The following GGT5 variants were observed in gnomAD, a reference collection of about 807,000 sequenced individuals.
The protein encoded by GGT5 is glutathione hydrolase 5 proenzyme.
In GGT5, 50 loss-of-function variants were observed where a neutral mutation model predicts 58.1. The ratio of observed to expected loss-of-function variants is 0.86; its 90% confidence interval spans 0.69 to 1.09. GGT5 has a LOEUF of 1.09. Among genes scored for constraint, GGT5 ranks in the 50% least tolerant of loss-of-function variants. The pLI is 0.00. For missense variants in GGT5, 800 were observed against 789.4 expected (o/e 1.01, Z -0.16); for synonymous variants, 370 against 346.1 (o/e 1.07, Z -0.77).
chr22:24,244,666 C>T lies in GGT5; in HGVS notation c.60G>A (p.Leu20=), dbSNP rs756727813. ...SLVLLGLGLA[L]AVIVLAVVLS... is the part of the protein sequence containing the mutation. ...GGACCACAGCCAGCACAATGACAGC[C>T]AGCGCCAGCCCCAGACCCAGCAGGA... is the stretch of plus-strand genomic sequence containing the variant. The change falls in exon 1 of 12, where the codon CTG becomes CTA. Residue 20 remains leucine (L), a synonymous_variant. Coordinates refer to ENST00000327365, the MANE Select transcript of GGT5 (RefSeq NM_004121.5). The T allele has an allele frequency of 2.5e-6, 4 of 1,612,856 alleles. No individual in the cohort carries two copies. The highest frequency in any genetic ancestry group is 1.9e-4 in the Middle Eastern group (1 of 5,392).
chr22:24,221,996 T>C (rs2047603548), intron 11 of GGT5, among the ~76,000 whole-genome samples: 1 of 151,784 alleles, frequency 6.6e-6, no homozygotes, highest in South Asian at 2.1e-4. Flanking sequence ...CTGGCCAACA[T>C]GGAGAAACGC....
chr22:24,232,699 G>A lies in GGT5; in HGVS notation c.596+124C>T, dbSNP rs796577117. The A allele has an allele frequency of 1.0e-5, 6 of 601,012 alleles. No homozygotes were observed. In the African/African-American group the frequency reaches 1.2e-4, roughly 12 times the overall value. 37.2% of individuals were successfully genotyped at this position (601,012 alleles called of 1,614,324 possible). On this transcript the variant is annotated intron_variant, in intron 4 of 11. Coordinates refer to ENST00000327365, the MANE Select transcript of GGT5 (RefSeq NM_004121.5). ...GGCCATGAAAAGTACTCTTTGTCCT[G>A]GCCAGCACCCCGAGGGTCAATCCTC... is the stretch of plus-strand genomic sequence containing the variant.
chr22:24,242,312 G>A (rs1455548921), intron 1 of GGT5: 2 of 152,156 alleles, frequency 1.3e-5, no homozygotes, highest in African/African-American at 2.4e-5. Flanking sequence ...AAGAGTAGGA[G>A]ATGGGGCTGG....
chr22:24,238,782 ATATATT>A (rs2048184334), intron 1 of GGT5, among the ~76,000 whole-genome samples: 1 of 21,692 alleles, frequency 4.6e-5, no homozygotes, highest in African/African-American at 2.7e-4. Flanking sequence ...TATATATAAT[ATATATT>A]ATATATTTAT....
chr22:24,237,504 G>T (rs1478948600), intron 1 of GGT5, among the ~76,000 whole-genome samples: 1 of 152,042 alleles, frequency 6.6e-6, no homozygotes, highest in Non-Finnish European at 1.5e-5. Context: ...CACCTCCTGG[G>T]TTCAAGCAAT....
At chr22:24,229,912 C>A (rs996389533) in intron 6 of GGT5, among the ~76,000 whole-genome samples, 1 of 151,142 alleles carries the variant, frequency 6.6e-6, no homozygotes, top group Non-Finnish European at 1.5e-5. Context: ...AACCGAACAC[C>A]ACTTGTTCCC....
At chr22:24,224,534 A>C (rs903822735) in intron 11 of GGT5, among the ~76,000 whole-genome samples, 1 of 151,216 alleles carries the variant, frequency 6.6e-6, no homozygotes, top group Non-Finnish European at 1.5e-5. Context: ...AAAAAAAATT[A>C]TATATATAGT....
At chr22:24,224,337 C>A (rs1427984103) in intron 11 of GGT5, among the ~76,000 whole-genome samples, 1 of 151,762 alleles carries the variant, frequency 6.6e-6, no homozygotes, top group Non-Finnish European at 1.5e-5. Flanking sequence ...TGGTGAGAGA[C>A]CCTGTTTCTA....
chr22:24,231,046 C>A (rs1228950391), intron 6 of GGT5, among the ~76,000 whole-genome samples: 1 of 152,192 alleles, frequency 6.6e-6, no homozygotes, highest in African/African-American at 2.4e-5. Flanking sequence ...TGGCTTCGCT[C>A]CCCCAGGTGC....
chr22:24,226,324 C>A, intron 7 of GGT5, 58 bp from the exon 8 acceptor site: 7 of 1,389,256 alleles, frequency 5.0e-6, no homozygotes, highest in Non-Finnish European at 6.9e-6. Flanking sequence ...TCCGCAGAAC[C>A]AAGGGCAGGA....
chr22:24,234,621 A>G (rs908589054), intron 1 of GGT5, among the ~76,000 whole-genome samples: 1 of 152,184 alleles, frequency 6.6e-6, no homozygotes, highest in African/African-American at 2.4e-5. Flanking sequence ...GGAGTTCAAG[A>G]CCAGCTTGGC....
At chr22:24,223,522 C>T (rs769932653) in intron 11 of GGT5, among the ~76,000 whole-genome samples, 8 of 152,094 alleles carry the variant, frequency 5.3e-5, no homozygotes, top group Non-Finnish European at 8.8e-5. Flanking sequence ...TCCTGTCATG[C>T]GAAGGACCCT....
At position 24,226,165 on chromosome 22, in the gene GGT5, C is replaced by G. The variant is rs771947552; in HGVS notation, c.1140G>C (p.Glu380Asp). ...DHQLSHYSLA[E>D]AWGHGTGTSH... Reference sequence around the variant, plus strand: ...ACGTGCCTGTCCCGTGGCCCCAGGCCTCGGCCAAGCTGTAGTGGCTGAGCT... The same window carrying G: ...ACGTGCCTGTCCCGTGGCCCCAGGCGTCGGCCAAGCTGTAGTGGCTGAGCT... The change falls in exon 8 of 12, where the codon GAG becomes GAC. Residue 380 changes from glutamate (E) to aspartate (D), a missense_variant. Glu to Asp is a conservative substitution (Grantham distance 45). Coordinates refer to ENST00000327365, the MANE Select transcript of GGT5 (RefSeq NM_004121.5). 6.2e-7 allele frequency: 1 copy of G among 1,611,244 alleles called. No individual in the cohort carries two copies. Among genetic ancestry groups the G allele is most frequent in the East Asian group, 2.2e-5 (1 of 44,852 alleles).
In GGT5 at chr22:24,225,263, G is replaced by T. The variant is rs765588510; in HGVS notation, c.1485C>A (p.Ile495=). 6.2e-7 allele frequency: 1 copy of T among 1,613,520 alleles called. No homozygotes were observed. Among genetic ancestry groups the T allele is most frequent in the Admixed American group, 1.7e-5 (1 of 60,004 alleles). The change falls in exon 10 of 12, where the codon ATC becomes ATA. Residue 495 remains isoleucine, a synonymous_variant. Coordinates refer to ENST00000327365, the MANE Select transcript of GGT5 (RefSeq NM_004121.5). ...LVIGGAGGEL[I]ISAVAQAIMS... ...GACTCACCTGGGCCACAGCAGAGAT[G>T]ATGAGCTCCCCGCCAGCCCCGCCAA... is the stretch of plus-strand genomic sequence containing the variant.
In GGT5 at chr22:24,232,038, C is replaced by T. The variant is rs2047957613; in HGVS notation, c.754+13G>A. On this transcript the variant is annotated intron_variant, in intron 5 of 11. Coordinates refer to ENST00000327365, the MANE Select transcript of GGT5 (RefSeq NM_004121.5). Reference sequence around the variant, plus strand: ...CCAGCAGGGATGGGGTATGGAACCTCAGGGAGGCTGACCTTCCTTGGCAAT... The same window carrying T: ...CCAGCAGGGATGGGGTATGGAACCTTAGGGAGGCTGACCTTCCTTGGCAAT... 6.2e-7 allele frequency: 1 copy of T among 1,610,918 alleles called. No individual in the cohort carries two copies. The highest frequency in any genetic ancestry group is 8.5e-7 in the Non-Finnish European group (1 of 1,177,712).
Position 24,232,872 on chromosome 22 carries a change from A to G in GGT5, c.547T>C (p.Phe183Leu). ...GGCCGCAGGATGCTGTTGTGCAGGA[A>G]ACGGCTGAGGACAGGGGCCACCACA... ...GHVVAPVLSR[F>L]LHNSILRPSL... The change falls in exon 4 of 12, where the codon TTC becomes CTC. Residue 183 changes from phenylalanine to leucine, a missense_variant. Coordinates refer to ENST00000327365, the MANE Select transcript of GGT5 (RefSeq NM_004121.5). 1 of 1,578,318 alleles carries G rather than the reference A, an allele frequency of 6.3e-7. No individual in the cohort carries two copies. The highest frequency in any genetic ancestry group is 8.6e-7 in the Non-Finnish European group (1 of 1,160,908).
intron 6 of GGT5, among the ~76,000 whole-genome samples, chr22:24,227,091 T>C (rs1435556630): frequency 6.6e-6 from 1 of 151,394 alleles, no homozygotes; most frequent in African/African-American, 2.4e-5. Context: ...TGAGACTACA[T>C]GTGTTCGCCA....
At chr22:24,220,690 G>A (rs1569350084) in intron 11 of GGT5, 1 of 455,350 alleles carries the variant, frequency 2.2e-6, no homozygotes, top group Non-Finnish European at 4.4e-6. Context: ...GAGGCCAGGA[G>A]TTTGAGAACA....
intron 11 of GGT5, chr22:24,220,725 G>A (rs1016117626): frequency 5.8e-5 from 26 of 451,932 alleles, no homozygotes; most frequent in African/African-American, 1.2e-4. Context: ...GCAAGACACC[G>A]TCTCTAAAAG....
Sources: gnomAD v4.1 joint callset for allele counts (sites outside exome capture counted in the v4.1 genomes callset) on GRCh38, gnomAD v4.1.1 for gene constraint, MANE v1.5 for transcripts, NCBI Gene and HGNC (gene_info 2026-07-23, HGNC 2026-07-21) for gene names.